Variants in CUZD1 observed in about 807,000 individuals in gnomAD.
The protein encoded by CUZD1 is CUB and zona pellucida-like domain-containing protein 1.
A neutral mutation model predicts 53.1 loss-of-function variants in CUZD1; 42 were observed. The observed-to-expected ratio is 0.79, with a 90% CI of 0.62 to 1.02. The LOEUF is 1.02. CUZD1 is among the 50% of genes least tolerant of loss of function. CUZD1 has a pLI of 0.00. For missense variants in CUZD1, 670 were observed against 715.7 expected, an observed-to-expected ratio of 0.94 and a Z score of 0.73; for synonymous variants, 238 against 257.2, an observed-to-expected ratio of 0.93 and a Z score of 0.71.
intron 1 of CUZD1, among the ~76,000 whole-genome samples, chr10:122,845,128 G>C (rs1847416159): frequency 6.7e-6 from 1 of 149,490 alleles, no homozygotes; most frequent in African/African-American, 2.5e-5. Flanking sequence ...CCAGGCTGGA[G>C]TGCAGTGGCA....
Position 122,833,883 on chromosome 10 carries a change from GAAT to G in CUZD1, c.1437_1439del (p.Arg479_Phe480delinsSer), listed in dbSNP as rs747846997. On this transcript the variant is annotated inframe_deletion, in exon 8 of 9. Transcript: ENST00000392790. ...TCAAGAATTTAAAGGCATTAAACTG[GAAT>G]CTCCCATAGTGTCCAAATAAGGGAT... is the stretch of plus-strand genomic sequence containing the variant. 2 of 1,613,808 alleles carry G rather than the reference GAAT, an allele frequency of 1.2e-6. No individual in the cohort carries two copies. The highest frequency in any genetic ancestry group is 2.7e-5 in the African/African-American group (2 of 74,992).
chr10:122,835,053 A>C lies in CUZD1; in HGVS notation c.1035T>G (p.Ser345=), dbSNP rs1566230836. ...TGATCACTTCAGAAGTTGAGGATGC[A>C]GAAAAGGTGATTATATTGGTGTAAG... ...SITYTNIITF[S]ASSTSEVITR... Residue 345 remains serine, a synonymous_variant, in exon 7 of 9, where the codon TCT becomes TCG. Coordinates refer to ENST00000392790, the MANE Select transcript of CUZD1 (RefSeq NM_022034.6). The C allele has an allele frequency of 6.2e-7, 1 of 1,607,020 alleles. No individual in the cohort carries two copies.
At chr10:122,838,551 G>A (rs1466312869) in intron 3 of CUZD1, among the ~76,000 whole-genome samples, 1 of 152,068 alleles carries the variant, frequency 6.6e-6, no homozygotes, top group Non-Finnish European at 1.5e-5. Flanking sequence ...ATCATCCGGG[G>A]GACTTGTTAA....
Position 122,841,766 on chromosome 10 carries a change from T to C in CUZD1, c.83-438A>G, listed in dbSNP as rs182172510. 1.7e-3 allele frequency among the ~76,000 whole-genome samples: 252 copies of C among 152,322 alleles called. 1 individual carries two copies. The highest frequency in any genetic ancestry group is 5.9e-3 in the African/African-American group (244 of 41,550). On this transcript the variant is annotated intron_variant, in intron 1 of 8. Coordinates refer to ENST00000392790, the MANE Select transcript of CUZD1 (RefSeq NM_022034.6). ...GAGTTCCAGTTGCACCACATTCTTG[T>C]CAACACACACTATTGTCAGGTTTTT...
At chr10:122,842,908 C>T (rs534363761) in intron 1 of CUZD1, among the ~76,000 whole-genome samples, 38 of 152,222 alleles carry the variant, frequency 2.5e-4, no homozygotes, top group South Asian at 1.7e-3. Context: ...AAAACCACAA[C>T]GAGATATCAC....
At chr10:122,842,982 A>T (rs894049134) in intron 1 of CUZD1, among the ~76,000 whole-genome samples, 2 of 152,218 alleles carry the variant, frequency 1.3e-5, no homozygotes, top group African/African-American at 4.8e-5. Flanking sequence ...AAGGACATGG[A>T]GAAACTGGAA....
chr10:122,842,939 TA>T (rs1007784115), intron 1 of CUZD1, among the ~76,000 whole-genome samples: 1 of 152,162 alleles, frequency 6.6e-6, no homozygotes, highest in African/African-American at 2.4e-5. Context: ...TTAGGATGGC[TA>T]GAGTCAAACA....
chr10:122,843,758 T>C (rs1427728256), intron 1 of CUZD1, among the ~76,000 whole-genome samples: 1 of 149,416 alleles, frequency 6.7e-6, no homozygotes, highest in Non-Finnish European at 1.5e-5. Flanking sequence ...TCAGGAGAAA[T>C]GGAGAGTGAA....
rs76299383 is a variant in CUZD1, at chr10:122,842,639, T to C, written c.83-1311A>G. ...TTTAGAGTCAGCATGTCTGTATCTA[T>C]TTAACATTCTTACTGGGATTTGTAT... On this transcript the variant is annotated intron_variant, in intron 1 of 8. Transcript: ENST00000392790. 7.5e-4 allele frequency among the ~76,000 whole-genome samples: 114 copies of C among 152,336 alleles called. 1 individual carries two copies. In the East Asian group the frequency reaches 0.018, roughly 24 times the overall value.
intron 7 of CUZD1, 39 bp from the exon 8 acceptor site, chr10:122,833,979 C>T: frequency 6.4e-7 from 1 of 1,573,728 alleles, no homozygotes; most frequent in Non-Finnish European, 8.6e-7. Flanking sequence ...AAGATACAGA[C>T]AAATTCAGTC....
chr10:122,844,665 C>T (rs1300462186), intron 1 of CUZD1, among the ~76,000 whole-genome samples: 2 of 151,972 alleles, frequency 1.3e-5, no homozygotes, highest in Non-Finnish European at 2.9e-5. Flanking sequence ...CTCAGGAGTT[C>T]GAGACCAGCC....
Position 122,835,091 on chromosome 10 carries a change from C to T in CUZD1, c.997G>A (p.Asp333Asn). 6.4e-7 allele frequency: 1 copy of T among 1,557,342 alleles called. No individual in the cohort carries two copies. The highest frequency in any genetic ancestry group is 8.7e-7 in the Non-Finnish European group (1 of 1,152,088). Residue 333 changes from aspartate (D) to asparagine (N), a missense_variant, in exon 7 of 9, where the codon GAT becomes AAT. Transcript: ENST00000392790. ...NGCGTIRKVE[D>N]QSITYTNIIT... Reference sequence around the variant, plus strand: ...ATATTGGTGTAAGTAATTGACTGATCTTCTACCTGCAGAACGAGATAGAAT... The same window carrying T: ...ATATTGGTGTAAGTAATTGACTGATTTTCTACCTGCAGAACGAGATAGAAT...
intron 1 of CUZD1, 72 bp from the exon 2 acceptor site, chr10:122,841,400 A>T: frequency 6.3e-6 from 9 of 1,436,126 alleles, no homozygotes; most frequent in Non-Finnish European, 8.4e-6. Flanking sequence ...TTAGGAATCT[A>T]CCTCTCACAT....
chr10:122,841,492 G>A lies in CUZD1; in HGVS notation c.83-164C>T, dbSNP rs575898988. Among the ~76,000 whole-genome samples, 29 of 152,274 alleles carry A rather than the reference G, an allele frequency of 1.9e-4. No individual in the cohort carries two copies. The South Asian group carries it at 3.5e-3, about 19-fold the overall frequency. On this transcript the variant is annotated intron_variant, in intron 1 of 8. Coordinates refer to ENST00000392790, the MANE Select transcript of CUZD1 (RefSeq NM_022034.6). ...TAAGTCAAAAGCAGTTGATTTCTCC[G>A]TCTTGAACCCTTTGAGGAGAAGTAT...
intron 7 of CUZD1, among the ~76,000 whole-genome samples, 198 bp downstream of exon 7, chr10:122,834,508 T>C (rs892991224): frequency 2.0e-5 from 3 of 152,204 alleles, no homozygotes; most frequent in Non-Finnish European, 2.9e-5. Context: ...ATAAGCTGTG[T>C]CTGCATAAAT....
At position 122,835,216 on chromosome 10, in the gene CUZD1, T is replaced by G. The variant is rs184174837; in HGVS notation, c.991-119A>C. ...TTTCTTAAATCACGAGGTAACAGCTTTCATGTCAGAATACTATAAACCTTA... is the reference window on the plus strand; with the variant it reads ...TTTCTTAAATCACGAGGTAACAGCTGTCATGTCAGAATACTATAAACCTTA... On this transcript the variant is annotated intron_variant, in intron 6 of 8. Transcript: ENST00000392790. The G allele has an allele frequency of 9.9e-5, 66 of 668,132 alleles. No homozygotes were observed. In the East Asian group the frequency reaches 1.7e-3, roughly 17 times the overall value. The allele number at this position is 668,132 out of a possible 1,614,324, so 41.4% of individuals were successfully genotyped here. A position where few individuals can be genotyped will look rare whatever the true frequency, so the allele number is the denominator to read the frequency against.
intron 1 of CUZD1, 143 bp from the exon 2 acceptor site, chr10:122,841,471 T>A: frequency 2.8e-6 from 2 of 721,428 alleles, no homozygotes; most frequent in Non-Finnish European, 4.1e-6. Flanking sequence ...CCAAAGTAAG[T>A]CAAAAGCAGT....
intron 1 of CUZD1, among the ~76,000 whole-genome samples, chr10:122,841,978 A>C (rs1847351741): frequency 6.6e-6 from 1 of 150,586 alleles, no homozygotes; most frequent in Non-Finnish European, 1.5e-5. Context: ...TTTTGTTTTC[A>C]TGATTGGGTT....
chr10:122,841,468 A>C (rs1474425323), intron 1 of CUZD1, 140 bp from the exon 2 acceptor site: 1 of 757,954 alleles, frequency 1.3e-6, no homozygotes, highest in African/African-American at 1.8e-5. Flanking sequence ...TCTCCAAAGT[A>C]AGTCAAAAGC....
Sources: allele counts gnomAD v4.1 joint callset (sites outside exome capture counted in the v4.1 genomes callset), GRCh38; gene constraint gnomAD v4.1.1; transcripts MANE v1.5; gene names NCBI Gene and HGNC (gene_info 2026-07-23, HGNC 2026-07-21).